Variants in ENPP1 observed in about 807,000 individuals in gnomAD.
ENPP1 encodes ectonucleotide pyrophosphatase/phosphodiesterase 1, also known as ectonucleotide pyrophosphatase/phosphodiesterase family member 1.
In ENPP1, 73 loss-of-function variants were observed where a neutral mutation model predicts 122.8. The ratio of observed to expected loss-of-function variants is 0.59; its 90% CI spans 0.49 to 0.72. The LOEUF is 0.72. Ranked by LOEUF, ENPP1 falls within the 30% of genes least tolerant of loss-of-function variation. The probability of loss-of-function intolerance (pLI) is 0.00; values close to 1 mark genes in which losing one functional copy is unlikely to be tolerated. For missense variants in ENPP1, 978 were observed against 1,128.1 expected (o/e 0.87, Z 1.91); for synonymous variants, 367 against 391.6 (o/e 0.94, Z 0.74).
intron 13 of ENPP1, among the ~76,000 whole-genome samples, chr6:131,869,729 G>T (rs1330122820): frequency 6.6e-6 from 1 of 151,776 alleles, no homozygotes; most frequent in Non-Finnish European, 1.5e-5. Flanking sequence ...GGTGGCAGCT[G>T]CCTGTAATCC....
intron 11 of ENPP1, among the ~76,000 whole-genome samples, chr6:131,867,055 G>T (rs1242294697): frequency 6.6e-6 from 1 of 152,112 alleles, no homozygotes; most frequent in Non-Finnish European, 1.5e-5. Context: ...TTCATTTAAG[G>T]TTGAGCCCAT....
chr6:131,832,454 G>A (rs1266682142), intron 1 of ENPP1, among the ~76,000 whole-genome samples: 1 of 152,112 alleles, frequency 6.6e-6, no homozygotes, highest in Non-Finnish European at 1.5e-5. Flanking sequence ...CTTTACCTTG[G>A]GAATGATTTA....
intron 9 of ENPP1, among the ~76,000 whole-genome samples, chr6:131,862,152 A>T (rs1044542132): frequency 6.6e-6 from 1 of 152,094 alleles, no homozygotes; most frequent in Non-Finnish European, 1.5e-5. Context: ...CTGGGCGACA[A>T]GAGCGAAACT....
chr6:131,828,184 T>A, intron 1 of ENPP1: 1 of 575,318 alleles, frequency 1.7e-6, no homozygotes, highest in Non-Finnish European at 3.4e-6. Context: ...TTAGAGGATG[T>A]GTTTATGCTG....
intron 1 of ENPP1, chr6:131,826,373 G>T: frequency 9.3e-7 from 1 of 1,074,096 alleles, no homozygotes; most frequent in Non-Finnish European, 1.4e-6. Flanking sequence ...AGGAAAAGCT[G>T]CTAGGGCAGA....
At chr6:131,857,041 C>T (rs1197965790) in intron 6 of ENPP1, among the ~76,000 whole-genome samples, 1 of 152,026 alleles carries the variant, frequency 6.6e-6, no homozygotes, top group Non-Finnish European at 1.5e-5. Flanking sequence ...TCATTGGTAG[C>T]TTGATGGGGA....
intron 1 of ENPP1, among the ~76,000 whole-genome samples, chr6:131,815,113 T>C (rs192264509): frequency 6.1e-4 from 93 of 152,160 alleles, no homozygotes; most frequent in Admixed American, 2.1e-3. Flanking sequence ...TATAGGGAGA[T>C]GGAGGAGATA....
In ENPP1 at chr6:131,890,792, T is replaced by C. The variant is rs891253788; in HGVS notation, c.*281T>C. ...CCTAAAACTGCCTTTCTGCTTCTCT[T>C]AAAGGAGAAGTAGCTGTGAACATTG... On this transcript the variant is annotated 3_prime_UTR_variant, in exon 25 of 25. Transcript: ENST00000647893. 8 of 435,766 alleles carry C rather than the reference T, an allele frequency of 1.8e-5. No homozygotes were observed. Among genetic ancestry groups the C allele is most frequent in the Middle Eastern group, 6.7e-4 (1 of 1,490 alleles). 27.0% of individuals were successfully genotyped at this position (435,766 alleles called of 1,614,324 possible).
chr6:131,866,593 G>A (rs1056746948), intron 11 of ENPP1, among the ~76,000 whole-genome samples: 1 of 152,168 alleles, frequency 6.6e-6, no homozygotes, highest in African/African-American at 2.4e-5. Context: ...TTGGATAAAA[G>A]AGAGTGAAGA....
intron 24 of ENPP1, among the ~76,000 whole-genome samples, chr6:131,887,397 T>A (rs866526265): frequency 9.1e-5 from 13 of 143,172 alleles, no homozygotes; most frequent in African/African-American, 2.2e-4. Context: ...TTTAGCAATT[T>A]TTTTTTTTTT....
chr6:131,887,644 C>T (rs1007645740), intron 24 of ENPP1, among the ~76,000 whole-genome samples: 4 of 148,944 alleles, frequency 2.7e-5, no homozygotes, highest in East Asian at 2.0e-4. Context: ...CTGCAAGCTC[C>T]GCCTTCTGGG....
intron 12 of ENPP1, among the ~76,000 whole-genome samples, chr6:131,868,819 T>C (rs1460381342): frequency 6.6e-6 from 1 of 152,256 alleles, no homozygotes; most frequent in Non-Finnish European, 1.5e-5. Flanking sequence ...TTTTACTTAC[T>C]GTGATCTTTG....
At chr6:131,884,444 A>G (rs1319658268) in intron 22 of ENPP1, among the ~76,000 whole-genome samples, 1 of 152,202 alleles carries the variant, frequency 6.6e-6, no homozygotes, top group African/African-American at 2.4e-5. Flanking sequence ...TCAAAGGCCA[A>G]AGCTGAACAA....
chr6:131,856,093 T>C (rs1289409971), intron 6 of ENPP1, among the ~76,000 whole-genome samples: 2 of 152,182 alleles, frequency 1.3e-5, no homozygotes, highest in African/African-American at 4.8e-5. Context: ...TAAAAATTTT[T>C]AGTTTTTAAT....
chr6:131,880,012 C>T lies in ENPP1; in HGVS notation c.2078C>T (p.Thr693Ile), dbSNP rs747150347. 20 of 1,613,996 alleles carry T rather than the reference C, an allele frequency of 1.2e-5. No individual in the cohort carries two copies. The highest frequency in any genetic ancestry group is 1.7e-5 in the Non-Finnish European group (20 of 1,179,986). Residue 693 changes from threonine (T) to isoleucine (I), a missense_variant, in exon 20 of 25, where the codon ACA (threonine) becomes ATA (isoleucine). Thr to Ile is a moderately conservative substitution (Grantham distance 89). Transcript: ENST00000647893. ...CAAGACATCTTAATGCCCCTTTGGA[C>T]ATCCTATACCGTGGACAGAAATGCA... ...YSQDILMPLW[T>I]SYTVDRNDSF...
intron 1 of ENPP1, among the ~76,000 whole-genome samples, chr6:131,818,858 TGAAA>T (rs1319513227): frequency 6.6e-6 from 1 of 152,176 alleles, no homozygotes; most frequent in Non-Finnish European, 1.5e-5. Flanking sequence ...CATTTTTATT[TGAAA>T]GAACTGACAA....
At chr6:131,820,039 C>T in intron 1 of ENPP1, 1 of 551,798 alleles carries the variant, frequency 1.8e-6, no homozygotes, top group South Asian at 1.5e-5. Context: ...AGATAATCTC[C>T]ATGGAGACTG....
In ENPP1 at chr6:131,845,043, G is replaced by GTTTTT. The variant is rs142380855; in HGVS notation, c.241-2708_241-2704dup. Among the ~76,000 whole-genome samples the GTTTTT allele has an allele frequency of 5.3e-3, 450 of 84,960 alleles. 52 individuals are homozygous for GTTTTT. The highest frequency in any genetic ancestry group is 0.015 in the African/African-American group (304 of 19,848). The allele number at this position is 84,960 out of a possible 152,430, so 55.7% of individuals were successfully genotyped here. ...ATAAATACAATTTCAATTCTTCATG[G>GTTTTT]TTTTTTTTTTTTTTTTTTTTTTTTT... On this transcript the variant is annotated intron_variant, in intron 1 of 24. Transcript: ENST00000647893.
chr6:131,879,455 ATT>A (rs1782274173), intron 19 of ENPP1, among the ~76,000 whole-genome samples: 2 of 152,136 alleles, frequency 1.3e-5, no homozygotes, highest in South Asian at 4.1e-4. Flanking sequence ...TAATATCTAT[ATT>A]GTTATTGTTT....
Sources: allele counts gnomAD v4.1 joint callset (sites outside exome capture counted in the v4.1 genomes callset), GRCh38; gene constraint gnomAD v4.1.1; transcripts MANE v1.5; gene names NCBI Gene and HGNC (gene_info 2026-07-23, HGNC 2026-07-21).